TWIST2: variants seen among roughly 807,000 people sequenced by gnomAD.
The protein encoded by TWIST2 is twist-related protein 2.
Under a neutral mutation model 11.6 loss-of-function variants are expected in TWIST2, and 1 was observed. The ratio of observed to expected loss-of-function variants is 0.09; its 90% CI spans 0.03 to 0.41. The LOEUF is 0.41. TWIST2 is among the 10% of genes least tolerant of loss of function. TWIST2 has a pLI of 0.98. For missense variants in TWIST2, 168 were observed against 226.4 expected (o/e 0.74, Z 1.66); for synonymous variants, 87 against 96.6 (o/e 0.90, Z 0.58).
In TWIST2 at chr2:238,908,894, G is replaced by A. The variant is rs1331533050; in HGVS notation, c.*36-948G>A. 1.7e-4 allele frequency among the ~76,000 whole-genome samples: 3 copies of A among 17,192 alleles called. 1 individual carries two copies. The Admixed American group carries it at 1.8e-3, about 10-fold the overall frequency. 11.3% of individuals were successfully genotyped at this position (17,192 alleles called of 152,430 possible). On this transcript the variant is annotated intron_variant, in intron 1 of 1. Transcript: ENST00000612363. ...GTGTGTTTGTGTGGTGTGTGGTGGTGTATGTAGTGTGTTTGTGTATGTGGC... is the reference window on the plus strand; with the variant it reads ...GTGTGTTTGTGTGGTGTGTGGTGGTATATGTAGTGTGTTTGTGTATGTGGC...
At chr2:238,871,632 A>C in intron 1 of TWIST2, among the ~76,000 whole-genome samples, 3 of 100,820 alleles carry the variant, frequency 3.0e-5, no homozygotes, top group Non-Finnish European at 4.0e-5. Flanking sequence ...CACCCACCAC[A>C]CACCCCACAC....
At chr2:238,849,942 T>C (rs1245207853) in intron 1 of TWIST2, among the ~76,000 whole-genome samples, 2 of 152,222 alleles carry the variant, frequency 1.3e-5, no homozygotes, top group Non-Finnish European at 2.9e-5. Flanking sequence ...TCTTGCGATG[T>C]TTTTATAAAA....
chr2:238,852,699 G>A (rs1383764220), intron 1 of TWIST2, among the ~76,000 whole-genome samples: 1 of 151,870 alleles, frequency 6.6e-6, no homozygotes, highest in Non-Finnish European at 1.5e-5. Context: ...ATGTACACAC[G>A]AGTGTATGTA....
intron 1 of TWIST2, among the ~76,000 whole-genome samples, chr2:238,877,634 A>G (rs1692830748): frequency 6.6e-6 from 1 of 152,116 alleles, no homozygotes; most frequent in Non-Finnish European, 1.5e-5. Flanking sequence ...AGAAATATGG[A>G]GGACTTTTAT....
chr2:238,899,962 C>CAAAG (rs878951591), intron 1 of TWIST2, among the ~76,000 whole-genome samples: 18,657 of 151,640 alleles, frequency 0.12, 1,462 homozygotes, highest in Non-Finnish European at 0.18. Flanking sequence ...AAAGTCTTTA[C>CAAAG]AAAGAAAGAA....
At position 238,866,670 on chromosome 2, in the gene TWIST2, A is replaced by C. The variant is rs1219370756; in HGVS notation, c.*35+17937A>C. ...AGACTCCACCATGGAAAAAAAAAAGAAAAGCACGGCGCCTTCATGTTCCAT... is the reference window on the plus strand; with the variant it reads ...AGACTCCACCATGGAAAAAAAAAAGCAAAGCACGGCGCCTTCATGTTCCAT... On this transcript the variant is annotated intron_variant, in intron 1 of 1. Transcript: ENST00000612363. The surrounding 1 kb of genome is among the most constrained non-coding windows in gnomAD (Gnocchi z 4.9). Among the ~76,000 whole-genome samples, 3 of 151,854 alleles carry C rather than the reference A, an allele frequency of 2.0e-5. No individual in the cohort carries two copies. Among genetic ancestry groups the C allele is most frequent in the African/African-American group, 7.3e-5 (3 of 41,348 alleles).
rs1484259924 is a variant in TWIST2, at chr2:238,870,142, C to T, written c.*35+21409C>T. On this transcript the variant is annotated intron_variant, in intron 1 of 1. Coordinates refer to ENST00000612363, the MANE Select transcript of TWIST2 (RefSeq NM_001271893.4). ...ACACCCCCCACACACACACCACACC[C>T]CATACACACCACACCCCACACACAC... Among the ~76,000 whole-genome samples, 7 of 108,818 alleles carry T rather than the reference C, an allele frequency of 6.4e-5. 1 individual carries two copies. The highest frequency in any genetic ancestry group is 4.2e-4 in the Admixed American group (4 of 9,562). 71.4% of individuals were successfully genotyped at this position (108,818 alleles called of 152,430 possible). A position where few individuals can be genotyped will look rare whatever the true frequency, so the allele number is the denominator to read the frequency against.
chr2:238,892,561 ACCTCCG>A (rs1298160364), intron 1 of TWIST2, among the ~76,000 whole-genome samples: 12 of 151,630 alleles, frequency 7.9e-5, no homozygotes, highest in Admixed American at 1.3e-4. Flanking sequence ...GCTCACTGCA[ACCTCCG>A]CCTCCCAGAT....
chr2:238,855,819 A>G (rs1348306384), intron 1 of TWIST2, among the ~76,000 whole-genome samples: 1 of 152,178 alleles, frequency 6.6e-6, no homozygotes, highest in Non-Finnish European at 1.5e-5. Flanking sequence ...AAGGTCATCT[A>G]GGGGCTCCCG....
chr2:238,863,236 A>C lies in TWIST2; in HGVS notation c.*35+14503A>C, dbSNP rs968997450. ...TGCAGTGAAAATACAGCTGCCATCC[A>C]CATAGGAATGCCCTCACCGCAACCC... On this transcript the variant is annotated intron_variant, in intron 1 of 1. Transcript: ENST00000612363. This position sits in a 1 kb window ranked among gnomAD's most constrained non-coding sequence, Gnocchi z 4.7. 6.6e-6 allele frequency among the ~76,000 whole-genome samples: 1 copy of C among 152,142 alleles called. No homozygotes were observed. Among genetic ancestry groups the C allele is most frequent in the Non-Finnish European group, 1.5e-5 (1 of 68,028 alleles).
At chr2:238,902,188 AAGAG>A (rs1204516025) in intron 1 of TWIST2, among the ~76,000 whole-genome samples, 109 of 150,900 alleles carry the variant, frequency 7.2e-4, no homozygotes, top group Middle Eastern at 3.4e-3. Context: ...GTGTGTGTGC[AAGAG>A]AGAGAGATAT....
intron 1 of TWIST2, among the ~76,000 whole-genome samples, chr2:238,908,763 T>C (rs1693399932): frequency 2.0e-5 from 3 of 151,114 alleles, no homozygotes; most frequent in African/African-American, 7.3e-5. Flanking sequence ...GTGTGTGGTA[T>C]GTGTTTGTGT....
intron 1 of TWIST2, among the ~76,000 whole-genome samples, chr2:238,887,951 C>T (rs551220261): frequency 1.3e-5 from 2 of 152,336 alleles, no homozygotes; most frequent in East Asian, 1.9e-4. Flanking sequence ...CATCTCATAA[C>T]CCACGGCCGC....
rs933777254 is a variant in TWIST2, at chr2:238,850,714, G to A, written c.*35+1981G>A. On this transcript the variant is annotated intron_variant, in intron 1 of 1. Transcript: ENST00000612363. Reference sequence around the variant, plus strand: ...TAAATAAAAACAGTGCCAAGAGCTTGTTTGGAAAAAAGCCCTTGAAAATAT... The same window carrying A: ...TAAATAAAAACAGTGCCAAGAGCTTATTTGGAAAAAAGCCCTTGAAAATAT... Among the ~76,000 whole-genome samples, 6 of 152,312 alleles carry A rather than the reference G, an allele frequency of 3.9e-5. No individual in the cohort carries two copies. In the East Asian group the frequency reaches 7.7e-4, roughly 20 times the overall value.
chr2:238,878,535 C>A (rs1221126360), intron 1 of TWIST2, among the ~76,000 whole-genome samples: 2 of 152,170 alleles, frequency 1.3e-5, no homozygotes, highest in Non-Finnish European at 2.9e-5. Context: ...TGTCAGAGGC[C>A]AGCCTGTGGG....
intron 1 of TWIST2, among the ~76,000 whole-genome samples, chr2:238,881,349 GTTAGTA>G (rs1026841026): frequency 5.0e-4 from 75 of 148,986 alleles, no homozygotes; most frequent in African/African-American, 1.4e-3. Context: ...TAGTGTCAGT[GTTAGTA>G]TTAGTGTTAG....
intron 1 of TWIST2, among the ~76,000 whole-genome samples, chr2:238,885,550 G>C (rs781713224): frequency 3.3e-5 from 5 of 152,084 alleles, no homozygotes; most frequent in Admixed American, 6.5e-5. Flanking sequence ...GTGTCTTGTG[G>C]GTGTTTGGTG....
chr2:238,908,062 C>T (rs935176530), intron 1 of TWIST2, among the ~76,000 whole-genome samples: 39 of 148,528 alleles, frequency 2.6e-4, no homozygotes, highest in African/African-American at 9.7e-4. Context: ...CACAAAGTCA[C>T]GCCACATACA....
At chr2:238,899,814 G>C (rs1693248351) in intron 1 of TWIST2, among the ~76,000 whole-genome samples, 1 of 152,176 alleles carries the variant, frequency 6.6e-6, no homozygotes. Flanking sequence ...CTTTGGTTCT[G>C]ATGCCGTCAG....
Sources: allele counts gnomAD v4.1 joint callset (sites outside exome capture counted in the v4.1 genomes callset), GRCh38; gene constraint gnomAD v4.1.1; non-coding constraint Gnocchi (gnomAD v3.1); transcripts MANE v1.5; gene names NCBI Gene and HGNC (gene_info 2026-07-23, HGNC 2026-07-21).